The following TMEM132D variants were observed in gnomAD, a reference collection of about 807,000 sequenced individuals.
TMEM132D encodes the protein mature OL transmembrane protein.
A neutral mutation model predicts 62.3 loss-of-function variants in TMEM132D; 21 were observed. That is an observed-to-expected ratio of 0.34 (90% CI 0.24 to 0.49). The LOEUF is 0.49. Ranked by LOEUF, TMEM132D falls within the 20% of genes least tolerant of loss-of-function variation. The probability of loss-of-function intolerance (pLI) is 0.99; values close to 1 mark genes in which losing one functional copy is unlikely to be tolerated. For synonymous variants in TMEM132D, 621 were observed against 575.6 expected (o/e 1.08, Z -1.13); for missense variants, 1,346 against 1,402.8 (o/e 0.96, Z 0.65).
chr12:129,858,974 G>A (rs867244273), intron 1 of TMEM132D, among the ~76,000 whole-genome samples: 2 of 131,796 alleles, frequency 1.5e-5, no homozygotes, highest in East Asian at 2.2e-4. Context: ...CCGGGGGAAC[G>A]GGATGGGTGC....
intron 4 of TMEM132D, among the ~76,000 whole-genome samples, chr12:129,247,864 G>GTT (rs34018738): frequency 6.2e-5 from 9 of 145,830 alleles, no homozygotes; most frequent in African/African-American, 1.0e-4. Context: ...CAATGAGCAG[G>GTT]TTTTTTTTTT....
intron 4 of TMEM132D, among the ~76,000 whole-genome samples, chr12:129,310,825 G>A (rs114894378): frequency 0.022 from 3,425 of 152,236 alleles, 144 homozygotes; most frequent in African/African-American, 0.075. Flanking sequence ...TTTAAAGTGA[G>A]CTCCAGCCTC....
At chr12:129,839,645 A>C (rs900032028) in intron 1 of TMEM132D, among the ~76,000 whole-genome samples, 4 of 152,196 alleles carry the variant, frequency 2.6e-5, no homozygotes, top group African/African-American at 9.7e-5. Context: ...AAAAAGACTG[A>C]GCATATTTTT....
intron 1 of TMEM132D, among the ~76,000 whole-genome samples, chr12:129,882,704 A>G (rs1185655428): frequency 1.3e-5 from 2 of 152,246 alleles, no homozygotes; most frequent in Admixed American, 1.3e-4. Flanking sequence ...ATCACTATGT[A>G]CACCATAAAT....
At chr12:129,385,148 G>A (rs747109898) in intron 3 of TMEM132D, among the ~76,000 whole-genome samples, 8 of 135,638 alleles carry the variant, frequency 5.9e-5, no homozygotes, top group Non-Finnish European at 1.1e-4. Flanking sequence ...AGGCTGGAGT[G>A]CAGTAGTAGT....
chr12:129,894,381 T>G (rs1056579239), intron 1 of TMEM132D, among the ~76,000 whole-genome samples: 3 of 152,180 alleles, frequency 2.0e-5, no homozygotes, highest in African/African-American at 7.2e-5. Flanking sequence ...AGGTGAGATT[T>G]GGGAGGGGAC....
chr12:129,581,272 T>A (rs1171502657), intron 2 of TMEM132D, among the ~76,000 whole-genome samples: 1 of 152,208 alleles, frequency 6.6e-6, no homozygotes, highest in Non-Finnish European at 1.5e-5. Flanking sequence ...GTTGGCACCA[T>A]GCTTCTTGCA....
chr12:129,369,459 G>A (rs1383720830), intron 3 of TMEM132D, among the ~76,000 whole-genome samples: 1 of 152,138 alleles, frequency 6.6e-6, no homozygotes, highest in Non-Finnish European at 1.5e-5. Context: ...AGGAATCATG[G>A]CACTCATCCT....
At chr12:129,510,434 T>C (rs1490965255) in intron 3 of TMEM132D, among the ~76,000 whole-genome samples, 2 of 152,186 alleles carry the variant, frequency 1.3e-5, no homozygotes, top group Non-Finnish European at 2.9e-5. Context: ...CTTTGTTGAT[T>C]GTATCCTTTG....
At chr12:129,726,547 G>GTT (rs1869044923) in intron 1 of TMEM132D, among the ~76,000 whole-genome samples, 1 of 152,194 alleles carries the variant, frequency 6.6e-6, no homozygotes, top group Admixed American at 6.5e-5. Context: ...CAAAGGGTCT[G>GTT]TGGACCATGG....
At chr12:129,520,572 G>A (rs1311527677) in intron 3 of TMEM132D, among the ~76,000 whole-genome samples, 1 of 150,814 alleles carries the variant, frequency 6.6e-6, no homozygotes, top group Non-Finnish European at 1.5e-5. Flanking sequence ...AAAGTTTGAT[G>A]TAGACACGAT....
chr12:129,281,920 A>T (rs1433338540), intron 4 of TMEM132D, among the ~76,000 whole-genome samples: 1 of 152,170 alleles, frequency 6.6e-6, no homozygotes, highest in Non-Finnish European at 1.5e-5. Flanking sequence ...CAACTCAGTG[A>T]TGGCATCTAT....
At chr12:129,538,296 G>A (rs1247091097) in intron 2 of TMEM132D, among the ~76,000 whole-genome samples, 2 of 152,192 alleles carry the variant, frequency 1.3e-5, no homozygotes, top group African/African-American at 2.4e-5. Flanking sequence ...TCCACACCCA[G>A]TCTATAATTT....
chr12:129,750,801 T>C (rs1869974826), intron 1 of TMEM132D, among the ~76,000 whole-genome samples: 1 of 152,032 alleles, frequency 6.6e-6, no homozygotes, highest in Non-Finnish European at 1.5e-5. Flanking sequence ...CACAATAATG[T>C]ATATTTTGAA....
intron 5 of TMEM132D, among the ~76,000 whole-genome samples, chr12:129,092,766 A>G (rs924615408): frequency 2.0e-5 from 3 of 152,220 alleles, no homozygotes; most frequent in Non-Finnish European, 4.4e-5. Flanking sequence ...TGTTTGCTAC[A>G]TGCAAGGTAC....
chr12:129,895,961 CTCTTTTTT>C (rs1875104787), intron 1 of TMEM132D, among the ~76,000 whole-genome samples: 5 of 99,804 alleles, frequency 5.0e-5, no homozygotes, highest in Non-Finnish European at 1.1e-4. Context: ...TTCTCTGTCT[CTCTTTTTT>C]TTTTTTTTTT....
chr12:129,622,520 C>T (rs1176780731), intron 2 of TMEM132D, among the ~76,000 whole-genome samples: 2 of 152,200 alleles, frequency 1.3e-5, no homozygotes, highest in African/African-American at 2.4e-5. Flanking sequence ...CCAGATCTAA[C>T]TTCTCTACAT....
Position 129,375,832 on chromosome 12 carries a change from G to A in TMEM132D, c.1116-38015C>T, listed in dbSNP as rs138307299. Among the ~76,000 whole-genome samples, 6 of 152,254 alleles carry A rather than the reference G, an allele frequency of 3.9e-5. No individual in the cohort carries two copies. In the East Asian group the frequency reaches 1.2e-3, roughly 29 times the overall value. ...CATGGAGCTACTGATTTAAACTGTG[G>A]TTCTCAGCTCACTCAGCATGTTAAA... is the stretch of plus-strand genomic sequence containing the variant. On this transcript the variant is annotated intron_variant, in intron 3 of 8. Transcript: ENST00000422113.
chr12:129,887,208 A>C (rs527693280), intron 1 of TMEM132D, among the ~76,000 whole-genome samples: 11 of 152,118 alleles, frequency 7.2e-5, no homozygotes, highest in African/African-American at 2.7e-4. Flanking sequence ...GGAGGAGAGG[A>C]GCCTGTGCAG....
Sources: gnomAD v4.1 joint callset for allele counts (sites outside exome capture counted in the v4.1 genomes callset) on GRCh38, gnomAD v4.1.1 for gene constraint, MANE v1.5 for transcripts, NCBI Gene and HGNC (gene_info 2026-07-23, HGNC 2026-07-21) for gene names.